The following LRRC37A2 variants were observed in gnomAD, a reference collection of about 807,000 sequenced individuals.
LRRC37A2 encodes leucine-rich repeat-containing protein 37A2.
LRRC37A2 carries 9 observed loss-of-function variants against 68.8 expected under a neutral mutation model. The observed-to-expected ratio is 0.13, with a 90% CI of 0.08 to 0.23. LRRC37A2 has a LOEUF of 0.23. Among genes scored for constraint, LRRC37A2 ranks in the 10% least tolerant of loss-of-function variants. LRRC37A2 has a pLI of 1.00. For synonymous variants in LRRC37A2, 63 were observed against 367.6 expected (o/e 0.17, Z 9.48); for missense variants, 168 against 950.4 (o/e 0.18, Z 10.82).
At chr17:46,906,430 T>G in the LRRC37A2 span, among the ~76,000 whole-genome samples, 1 of 152,144 alleles carries the variant, frequency 6.6e-6, no homozygotes, top group Non-Finnish European at 1.5e-5. Flanking sequence ...TAAATTAAAT[T>G]TATTTAAGAG....
At chr17:46,502,167 C>T in the LRRC37A2 span, among the ~76,000 whole-genome samples, 1 of 151,052 alleles carries the variant, frequency 6.6e-6, no homozygotes, top group Non-Finnish European at 1.5e-5. Context: ...TAAAGCTCAT[C>T]GCTGATGCAG....
chr17:46,716,668 G>A, the LRRC37A2 span, among the ~76,000 whole-genome samples: 1 of 152,052 alleles, frequency 6.6e-6, no homozygotes, highest in Non-Finnish European at 1.5e-5. Context: ...TTTTGTTGTT[G>A]TAAGTGCAAA....
the LRRC37A2 span, among the ~76,000 whole-genome samples, chr17:46,898,012 C>T: frequency 6.6e-6 from 1 of 152,110 alleles, no homozygotes; most frequent in Non-Finnish European, 1.5e-5. Context: ...CCAGAAAATA[C>T]ACTGGGAAGT....
the LRRC37A2 span, chr17:46,875,259 A>G: frequency 6.2e-7 from 1 of 1,614,156 alleles, no homozygotes; most frequent in Non-Finnish European, 8.5e-7. Context: ...GTGCGGTGAC[A>G]ACCTCAAGTA....
chr17:46,712,506 A>G, the LRRC37A2 span, among the ~76,000 whole-genome samples: 2 of 152,342 alleles, frequency 1.3e-5, no homozygotes, highest in African/African-American at 4.8e-5. Context: ...GGGAACACTA[A>G]TGGAAAGCAG....
the LRRC37A2 span, among the ~76,000 whole-genome samples, chr17:46,672,206 G>T: frequency 2.3e-5 from 1 of 43,914 alleles, no homozygotes; most frequent in African/African-American, 8.6e-5. Context: ...GAGAATGGAT[G>T]AGTCTGCTGA....
chr17:46,767,197 G>T, the LRRC37A2 span, among the ~76,000 whole-genome samples: 1 of 152,052 alleles, frequency 6.6e-6, no homozygotes. Flanking sequence ...AGTGCATAGC[G>T]CCTCCCATGC....
chr17:46,534,678 G>GTCATCA (rs1198480113), intron 6 of LRRC37A2, among the ~76,000 whole-genome samples: 1 of 149,688 alleles, frequency 6.7e-6, no homozygotes, highest in Non-Finnish European at 1.5e-5. Flanking sequence ...AACCACCATC[G>GTCATCA]TCATCATGGC....
the LRRC37A2 span, among the ~76,000 whole-genome samples, chr17:46,981,097 A>G: frequency 6.6e-6 from 1 of 152,202 alleles, no homozygotes; most frequent in Non-Finnish European, 1.5e-5. Context: ...TGTTATTGCA[A>G]TAATGCAGGC....
the LRRC37A2 span, among the ~76,000 whole-genome samples, chr17:47,044,600 C>T: frequency 1.3e-5 from 2 of 151,476 alleles, no homozygotes; most frequent in Admixed American, 6.6e-5. Flanking sequence ...AAAGTATTAG[C>T]AACTACTGAT....
chr17:46,838,446 C>T, the LRRC37A2 span, among the ~76,000 whole-genome samples: 4 of 151,628 alleles, frequency 2.6e-5, no homozygotes, highest in African/African-American at 9.7e-5. Context: ...GGGCAACATA[C>T]TGAGACCCCA....
chr17:46,739,327 C>T, the LRRC37A2 span, among the ~76,000 whole-genome samples: 146 of 145,548 alleles, frequency 1.0e-3, 1 homozygote, highest in African/African-American at 3.4e-3. Flanking sequence ...GCCGAGATCG[C>T]GCCACTGCAC....
the LRRC37A2 span, among the ~76,000 whole-genome samples, chr17:46,637,101 GCCTCGGCCTC>G: frequency 2.3e-5 from 3 of 128,306 alleles, no homozygotes; most frequent in Admixed American, 1.6e-4. Flanking sequence ...TGATCCGCCC[GCCTCGGCCTC>G]CCAGCGTGCT....
chr17:46,938,784 CAGCAT>C, the LRRC37A2 span: 1 of 1,613,372 alleles, frequency 6.2e-7, no homozygotes, highest in Non-Finnish European at 8.5e-7. Context: ...AGTGGCTGAA[CAGCAT>C]TCCCACAGCC....
At chr17:46,968,615 G>T in the LRRC37A2 span, 1 of 152,476 alleles carries the variant, frequency 6.6e-6, no homozygotes, top group Non-Finnish European at 1.5e-5. Flanking sequence ...GTGACTCAGA[G>T]AACTTAGTTG....
the LRRC37A2 span, among the ~76,000 whole-genome samples, chr17:46,835,058 G>A: frequency 1.3e-5 from 2 of 152,066 alleles, no homozygotes; most frequent in Admixed American, 6.6e-5. Flanking sequence ...GCAGTAGTGC[G>A]ATCAGTGCTC....
the LRRC37A2 span, among the ~76,000 whole-genome samples, chr17:46,479,578 G>A: frequency 6.9e-5 from 7 of 101,722 alleles, no homozygotes; most frequent in Admixed American, 1.9e-4. Flanking sequence ...CACAGTCTTC[G>A]CTCACTGCAA....
intron 6 of LRRC37A2, among the ~76,000 whole-genome samples, chr17:46,529,582 C>A (rs2053359726): frequency 1.3e-5 from 1 of 75,732 alleles, no homozygotes; most frequent in African/African-American, 3.8e-5. Flanking sequence ...CCAAGACAGG[C>A]AGATCGCTTG....
At chr17:47,013,846 G>A in the LRRC37A2 span, among the ~76,000 whole-genome samples, 2 of 152,204 alleles carry the variant, frequency 1.3e-5, no homozygotes, top group East Asian at 1.9e-4. Flanking sequence ...AAACTCAAGA[G>A]TAACAGGGCT....
Sources: allele counts gnomAD v4.1 joint callset (sites outside exome capture counted in the v4.1 genomes callset), GRCh38; gene constraint gnomAD v4.1.1; transcripts MANE v1.5; gene names NCBI Gene and HGNC (gene_info 2026-07-23, HGNC 2026-07-21).